Variants in DAP observed in about 807,000 individuals in gnomAD.
The protein encoded by DAP is death-associated protein 1.
Under a neutral mutation model 13.8 loss-of-function variants are expected in DAP, and 8 were observed. The ratio of observed to expected loss-of-function variants is 0.58; its 90% CI spans 0.34 to 1.05. The LOEUF is 1.05. Ranked by LOEUF, DAP falls within the 50% of genes least tolerant of loss-of-function variation. The pLI, the probability that DAP is intolerant of heterozygous loss-of-function variation, is 0.03. For synonymous variants in DAP, 47 were observed against 47.5 expected (o/e 0.99, Z 0.04); for missense variants, 106 against 133.2 (o/e 0.80, Z 1.01).
intron 2 of DAP, among the ~76,000 whole-genome samples, chr5:10,742,504 G>C (rs1739786964): frequency 6.6e-6 from 1 of 152,294 alleles, no homozygotes; most frequent in East Asian, 1.9e-4. Context: ...TCCAGCATGG[G>C]CAACAAGAGT....
intron 2 of DAP, among the ~76,000 whole-genome samples, chr5:10,684,663 T>C (rs1438555296): frequency 2.0e-5 from 3 of 152,234 alleles, no homozygotes; most frequent in African/African-American, 7.2e-5. Flanking sequence ...CCTTCTGAAC[T>C]AAGGCTATGG....
chr5:10,741,304 G>A (rs1235351137), intron 2 of DAP, among the ~76,000 whole-genome samples: 4 of 152,186 alleles, frequency 2.6e-5, no homozygotes, highest in Non-Finnish European at 5.9e-5. Flanking sequence ...AGTAAGCCAG[G>A]ATTATGCTAC....
chr5:10,733,157 T>TGC (rs1381208022), intron 2 of DAP, among the ~76,000 whole-genome samples: 3 of 12,026 alleles, frequency 2.5e-4, no homozygotes, highest in African/African-American at 7.3e-4. Flanking sequence ...TATTCCTGCG[T>TGC]GTGTGTGTGT....
chr5:10,732,621 G>A (rs1579811431), intron 2 of DAP, among the ~76,000 whole-genome samples: 1 of 152,146 alleles, frequency 6.6e-6, no homozygotes, highest in East Asian at 1.9e-4. Context: ...GAATAATGAT[G>A]GGATGAACAT....
chr5:10,705,777 G>T (rs1417651438), intron 2 of DAP, among the ~76,000 whole-genome samples: 1 of 152,118 alleles, frequency 6.6e-6, no homozygotes, highest in Non-Finnish European at 1.5e-5. Flanking sequence ...ATTTTCTTTT[G>T]TTATGATTTG....
At chr5:10,748,075 C>T in intron 2 of DAP, 100 bp downstream of exon 2, 1 of 864,244 alleles carries the variant, frequency 1.2e-6, no homozygotes, top group Non-Finnish European at 1.9e-6. Context: ...CCCCACATAG[C>T]CCAGGAGTTA....
chr5:10,686,483 C>A (rs549633093), intron 2 of DAP, among the ~76,000 whole-genome samples: 1 of 152,188 alleles, frequency 6.6e-6, no homozygotes, highest in East Asian at 1.9e-4. Context: ...AAAAATGCTA[C>A]TCCAGTGAGC....
rs5745292 is a variant in DAP at position 10,683,257 on chromosome 5, T to C, written c.195+272A>G. Reference sequence around the variant, plus strand: ...GGGGTTCACTGCGGGGGTTTGCTGATGGGAGTTCACTGGTGGGAGGTCTGC... The same window carrying C: ...GGGGTTCACTGCGGGGGTTTGCTGACGGGAGTTCACTGGTGGGAGGTCTGC... On this transcript the variant is annotated intron_variant, in intron 3 of 3. Transcript: ENST00000230895. 128 of 530,750 alleles carry C rather than the reference T, an allele frequency of 2.4e-4. 2 individuals carry two copies. Among genetic ancestry groups the C allele is most frequent in the African/African-American group, 2.1e-3 (111 of 52,338 alleles). 32.9% of individuals were successfully genotyped at this position (530,750 alleles called of 1,614,324 possible). A position where few individuals can be genotyped will look rare whatever the true frequency, so the allele number is the denominator to read the frequency against.
In DAP at chr5:10,680,975, C is replaced by T. The variant is rs866976565; in HGVS notation, c.*81G>A. The T allele has an allele frequency of 3.0e-5, 47 of 1,545,796 alleles. No individual in the cohort carries two copies. The highest frequency in any genetic ancestry group is 1.2e-4 in the East Asian group (5 of 41,122). On this transcript the variant is annotated 3_prime_UTR_variant, in exon 4 of 4. Coordinates refer to ENST00000230895, the MANE Select transcript of DAP (RefSeq NM_004394.3). ...ATTTCCCAGCAGAGTAGGATTTGGG[C>T]GAAACTGCTGGTTCTCTCTGTCAGG...
chr5:10,694,257 G>A (rs1274602270), intron 2 of DAP, among the ~76,000 whole-genome samples: 2 of 152,100 alleles, frequency 1.3e-5, no homozygotes, highest in East Asian at 1.9e-4. Context: ...GGATGATCCG[G>A]GTTCAAATCC....
intron 2 of DAP, among the ~76,000 whole-genome samples, chr5:10,732,267 T>G (rs1423235575): frequency 6.6e-6 from 1 of 152,260 alleles, no homozygotes; most frequent in Non-Finnish European, 1.5e-5. Context: ...CACTATGTTA[T>G]GCAACCCACC....
chr5:10,756,911 C>T (rs960884282), intron 1 of DAP, among the ~76,000 whole-genome samples: 2 of 20,274 alleles, frequency 9.9e-5, no homozygotes, highest in Non-Finnish European at 4.9e-4. Flanking sequence ...ACTCATCAAA[C>T]AAGCACTCAC....
At chr5:10,686,724 C>T (rs1738165064) in intron 2 of DAP, among the ~76,000 whole-genome samples, 2 of 152,180 alleles carry the variant, frequency 1.3e-5, no homozygotes, top group Admixed American at 1.3e-4. Context: ...AAGCCATCTC[C>T]AGAAGATAAA....
chr5:10,718,574 T>C (rs1377523599), intron 2 of DAP, among the ~76,000 whole-genome samples: 1 of 152,230 alleles, frequency 6.6e-6, no homozygotes, highest in Non-Finnish European at 1.5e-5. Flanking sequence ...ATGACATCCC[T>C]GTTCAACTCT....
At chr5:10,741,916 A>G (rs968022004) in intron 2 of DAP, among the ~76,000 whole-genome samples, 1 of 152,230 alleles carries the variant, frequency 6.6e-6, no homozygotes, top group African/African-American at 2.4e-5. Flanking sequence ...CTTCCACGGT[A>G]AAGACACTCT....
chr5:10,747,183 T>G (rs1739927323), intron 2 of DAP, among the ~76,000 whole-genome samples: 1 of 152,238 alleles, frequency 6.6e-6, no homozygotes, highest in Non-Finnish European at 1.5e-5. Flanking sequence ...AGACATCATC[T>G]GGAGACAGGC....
intron 2 of DAP, among the ~76,000 whole-genome samples, chr5:10,726,041 T>C (rs966414261): frequency 1.3e-5 from 2 of 152,230 alleles, no homozygotes; most frequent in African/African-American, 2.4e-5. Flanking sequence ...TCTAAACTTC[T>C]CATTCCCCAA....
intron 2 of DAP, among the ~76,000 whole-genome samples, chr5:10,735,924 A>G (rs1414699191): frequency 6.6e-6 from 1 of 152,230 alleles, no homozygotes; most frequent in East Asian, 1.9e-4. Flanking sequence ...AGGCTCCAGT[A>G]CTTAAGGGCA....
intron 2 of DAP, among the ~76,000 whole-genome samples, chr5:10,743,321 C>T (rs267950): frequency 0.93 from 141,625 of 152,308 alleles, 66,151 homozygotes; most frequent in Non-Finnish European, 0.97. Context: ...AGTGCTTGTA[C>T]GCCATTCTGG....
Sources: gnomAD v4.1 joint callset for allele counts (sites outside exome capture counted in the v4.1 genomes callset) on GRCh38, gnomAD v4.1.1 for gene constraint, MANE v1.5 for transcripts, NCBI Gene and HGNC (gene_info 2026-07-23, HGNC 2026-07-21) for gene names.